Variants in TNPO1 observed in about 807,000 individuals in gnomAD.
TNPO1 encodes the protein transportin-1.
Under a neutral mutation model 119.5 loss-of-function variants are expected in TNPO1, and 8 were observed. The observed-to-expected ratio is 0.07, with a 90% CI of 0.04 to 0.12. The LOEUF (loss-of-function observed/expected upper bound fraction) is 0.12, where lower values mean the gene tolerates loss of function less well. Among genes scored for constraint, TNPO1 ranks in the 10% least tolerant of loss-of-function variants. The pLI, the probability that TNPO1 is intolerant of heterozygous loss-of-function variation, is 1.00. For synonymous variants in TNPO1, 362 were observed against 363.0 expected (o/e 1.00, Z 0.03); for missense variants, 576 against 1,089.8 (o/e 0.53, Z 6.64).
intron 1 of TNPO1, among the ~76,000 whole-genome samples, chr5:72,840,470 T>C (rs1744859164): frequency 6.6e-6 from 1 of 152,200 alleles, no homozygotes; most frequent in African/African-American, 2.4e-5. Context: ...GTTCAGACTT[T>C]GGAATCACAC....
intron 1 of TNPO1, among the ~76,000 whole-genome samples, chr5:72,844,661 A>G (rs1690756180): frequency 6.6e-6 from 1 of 152,234 alleles, no homozygotes; most frequent in African/African-American, 2.4e-5. Flanking sequence ...ATCTGCATAC[A>G]GAGTTAGTAT....
intron 1 of TNPO1, among the ~76,000 whole-genome samples, chr5:72,831,676 T>A (rs984542246): frequency 5.3e-5 from 8 of 152,006 alleles, no homozygotes; most frequent in Non-Finnish European, 1.0e-4. Context: ...TGAAACTAAG[T>A]CTCTTGGATT....
At chr5:72,903,678 C>T (rs1176233488) in intron 22 of TNPO1, 31 bp from the exon 23 acceptor site, 2 of 1,472,236 alleles carry the variant, frequency 1.4e-6, no homozygotes. Context: ...AATACAATAT[C>T]AACCTAAGAT....
intron 2 of TNPO1, among the ~76,000 whole-genome samples, chr5:72,849,198 G>T (rs1030267253): frequency 1.3e-5 from 2 of 152,170 alleles, no homozygotes; most frequent in African/African-American, 4.8e-5. Flanking sequence ...CAATTATGTA[G>T]GTCTTTACCG....
At chr5:72,871,734 CT>C (rs1747420969) in intron 6 of TNPO1, 1 of 152,214 alleles carries the variant, frequency 6.6e-6, no homozygotes, top group Admixed American at 6.5e-5. Context: ...AGGAATCAGC[CT>C]TTTAGAGTGA....
rs532578222 is a variant in TNPO1 at position 72,910,234 on chromosome 5, G to A, written c.*1561G>A. ...GTTAAAAGCTACAGAGTGAAAGTTG[G>A]TTTGGATCCTCTTCATTTCATTTGT... On this transcript the variant is annotated 3_prime_UTR_variant, in exon 25 of 25. Coordinates refer to ENST00000337273, the MANE Select transcript of TNPO1 (RefSeq NM_002270.4). 3.9e-5 allele frequency: 6 copies of A among 152,566 alleles called. No individual in the cohort carries two copies. Among genetic ancestry groups the A allele is most frequent in the Non-Finnish European group, 8.8e-5 (6 of 67,998 alleles). The allele number at this position is 152,566 out of a possible 1,614,324, so 9.5% of individuals were successfully genotyped here.
chr5:72,824,079 C>T lies in TNPO1; in HGVS notation c.15+7327C>T, dbSNP rs1215078023. 2.6e-5 allele frequency among the ~76,000 whole-genome samples: 4 copies of T among 152,200 alleles called. No homozygotes were observed. In the South Asian group the frequency reaches 8.3e-4, roughly 32 times the overall value. On this transcript the variant is annotated intron_variant, in intron 1 of 24. Transcript: ENST00000337273. ...TATGAAAGGGTCTGCGCAGCATCTG[C>T]TCAGTACATGGCTGTCTTCCTGCCT...
chr5:72,875,729 A>G lies in TNPO1; in HGVS notation c.793A>G (p.Ile265Val), dbSNP rs1391616007. ...TCGCCTGCTTCCTCACATGCATAATATAGTTGAGGTAACACTGGCAATTTA... is the reference window on the plus strand; with the variant it reads ...TCGCCTGCTTCCTCACATGCATAATGTAGTTGAGGTAACACTGGCAATTTA... ...MDRLLPHMHN[I>V]VEYMLQRTQD... is the part of the protein sequence containing the mutation. The change falls in exon 8 of 25, where the codon ATA (isoleucine) becomes GTA (valine). Residue 265 changes from isoleucine (I) to valine (V), a missense_variant. Physicochemically the swap from Ile to Val is conservative, Grantham distance 29. Coordinates refer to ENST00000337273, the MANE Select transcript of TNPO1 (RefSeq NM_002270.4). 2 of 1,605,814 alleles carry G rather than the reference A, an allele frequency of 1.2e-6. No homozygotes were observed. The highest frequency in any genetic ancestry group is 1.7e-6 in the Non-Finnish European group (2 of 1,173,650).
At chr5:72,892,090 C>T (rs991052096) in intron 15 of TNPO1, among the ~76,000 whole-genome samples, 194 bp downstream of exon 15, 2 of 151,836 alleles carry the variant, frequency 1.3e-5, no homozygotes, top group African/African-American at 4.8e-5. Flanking sequence ...CTTATGTTAT[C>T]TACTCTCTAT....
rs191711345 is a variant in TNPO1 at position 72,911,867 on chromosome 5, C to G, written c.*3194C>G. ...CCTTCTTTTTCCTGTTTGAGCTTCT[C>G]TCTTTGAAGGATTCTAACAGAACAA... On this transcript the variant is annotated 3_prime_UTR_variant, in exon 25 of 25. Coordinates refer to ENST00000337273, the MANE Select transcript of TNPO1 (RefSeq NM_002270.4). 6 of 152,606 alleles carry G rather than the reference C, an allele frequency of 3.9e-5. No homozygotes were observed. The highest frequency in any genetic ancestry group is 3.3e-4 in the Admixed American group (5 of 15,286). 9.5% of individuals were successfully genotyped at this position (152,606 alleles called of 1,614,324 possible). A position where few individuals can be genotyped will look rare whatever the true frequency, so the allele number is the denominator to read the frequency against.
At chr5:72,850,062 C>T (rs1580390260) in intron 2 of TNPO1, among the ~76,000 whole-genome samples, 1 of 152,156 alleles carries the variant, frequency 6.6e-6, no homozygotes, top group Non-Finnish European at 1.5e-5. Context: ...GAACAACTTT[C>T]TGTTGCTGTG....
chr5:72,907,886 AAAATT>A (rs1750281420), intron 24 of TNPO1, among the ~76,000 whole-genome samples: 1 of 151,838 alleles, frequency 6.6e-6, no homozygotes, highest in Non-Finnish European at 1.5e-5. Context: ...CTCTATGAAA[AAAATT>A]AAAAAGAAAA....
chr5:72,823,644 T>C (rs541326243), intron 1 of TNPO1, among the ~76,000 whole-genome samples: 2 of 152,324 alleles, frequency 1.3e-5, no homozygotes, highest in East Asian at 3.9e-4. Context: ...TGGAATTTAC[T>C]CATCTAAATT....
intron 8 of TNPO1, 134 bp from the exon 9 acceptor site, chr5:72,877,094 C>CAA (rs35883847): frequency 2.7e-3 from 645 of 234,614 alleles, no homozygotes; most frequent in South Asian, 6.1e-3. Context: ...GACTGCATCT[C>CAA]AAAAAAAAAA....
chr5:72,892,043 T>C, intron 15 of TNPO1, 147 bp downstream of exon 15: 1 of 595,756 alleles, frequency 1.7e-6, no homozygotes, highest in Non-Finnish European at 2.9e-6. Flanking sequence ...TCTAACCTGC[T>C]TTACTTAATT....
At chr5:72,817,407 A>T (rs1743748147) in intron 1 of TNPO1, among the ~76,000 whole-genome samples, 1 of 152,254 alleles carries the variant, frequency 6.6e-6, no homozygotes, top group Non-Finnish European at 1.5e-5. Context: ...GCAACAGGGA[A>T]CAGCTGCTGA....
chr5:72,865,665 C>T lies in TNPO1; in HGVS notation c.532C>T (p.Arg178Cys), dbSNP rs753376038. ...GATTTTAGACAGTGATGTTTTAGAT[C>T]GTCCTCTCAACATCATGATTCCCAA... The part of the protein sequence containing the change: ...AEILDSDVLD[R>C]PLNIMIPKFL... The change falls in exon 6 of 25, where the codon CGT (arginine) becomes TGT (cysteine). Residue 178 changes from arginine to cysteine, a missense_variant. Transcript: ENST00000337273. 8 of 1,613,254 alleles carry T rather than the reference C, an allele frequency of 5.0e-6. No homozygotes were observed. Among genetic ancestry groups the T allele is most frequent in the African/African-American group, 1.3e-5 (1 of 75,004 alleles).
At position 72,887,268 on chromosome 5, in the gene TNPO1, C is replaced by T. The variant is rs766253212; in HGVS notation, c.1303+46C>T. 3.5e-6 allele frequency: 4 copies of T among 1,153,646 alleles called. No homozygotes were observed. The Admixed American group carries it at 6.6e-5, about 19-fold the overall frequency. 71.5% of individuals were successfully genotyped at this position (1,153,646 alleles called of 1,614,324 possible). ...AATTATGTAAGTTGGCTTCTTACTACTATTAGGTACTAATAAGGCTAGGCT... is the reference window on the plus strand; with the variant it reads ...AATTATGTAAGTTGGCTTCTTACTATTATTAGGTACTAATAAGGCTAGGCT... On this transcript the variant is annotated intron_variant, in intron 12 of 24. Transcript: ENST00000337273.
chr5:72,866,448 A>G (rs924221876), intron 6 of TNPO1, among the ~76,000 whole-genome samples: 29 of 152,132 alleles, frequency 1.9e-4, no homozygotes, highest in African/African-American at 5.1e-4. Flanking sequence ...ACTTTTTGTG[A>G]CTGATTCTCA....
Sources: gnomAD v4.1 joint callset for allele counts (sites outside exome capture counted in the v4.1 genomes callset) on GRCh38, gnomAD v4.1.1 for gene constraint, MANE v1.5 for transcripts, NCBI Gene and HGNC (gene_info 2026-07-23, HGNC 2026-07-21) for gene names.